MYO10: variants seen among roughly 807,000 people sequenced by gnomAD.
MYO10 encodes the protein unconventional myosin-X.
Under a neutral mutation model 257.3 loss-of-function variants are expected in MYO10, and 133 were observed. The ratio of observed to expected loss-of-function variants is 0.52; its 90% CI spans 0.45 to 0.60. The LOEUF (loss-of-function observed/expected upper bound fraction) is 0.60, where lower values mean the gene tolerates loss of function less well. Among genes scored for constraint, MYO10 ranks in the 20% least tolerant of loss-of-function variants. The pLI is 0.00. For missense variants in MYO10, 2,399 were observed against 2,635.7 expected (o/e 0.91, Z 1.97); for synonymous variants, 1,104 against 1,028.6 (o/e 1.07, Z -1.40).
chr5:16,894,048 A>T (rs1054479089), intron 1 of MYO10, among the ~76,000 whole-genome samples: 1 of 152,156 alleles, frequency 6.6e-6, no homozygotes, highest in Non-Finnish European at 1.5e-5. Context: ...GACAAGTTGC[A>T]AAGATAATAC....
In MYO10 at chr5:16,680,077, C is replaced by G. The variant is rs766301924; in HGVS notation, c.4412G>C (p.Arg1471Pro). Residue 1471 changes from arginine to proline, a missense_variant, in exon 33 of 41, where the codon CGC becomes CCC. This residue lies in a region of MYO10 where 1,820 missense variants were observed against 1,939.4 expected (regional missense o/e 0.94). Transcript: ENST00000513610. ...TGYWNVTVYG[R>P]KHCYRLYTKL... ...GGTGTAGAGCCGGTAACAGTGCTTG[C>G]GCCCGTACACGGTGACGTTCCAGTA... The G allele has an allele frequency of 5.0e-6, 8 of 1,611,802 alleles. No homozygotes were observed. The highest frequency in any genetic ancestry group is 6.8e-6 in the Non-Finnish European group (8 of 1,178,686).
intron 1 of MYO10, among the ~76,000 whole-genome samples, chr5:16,879,406 C>T (rs531995218): frequency 6.6e-6 from 1 of 152,294 alleles, no homozygotes; most frequent in South Asian, 2.1e-4. Context: ...TCATTTTACG[C>T]TACTTTAAAT....
chr5:16,675,449 G>A (rs375953696), intron 34 of MYO10, among the ~76,000 whole-genome samples: 1 of 152,066 alleles, frequency 6.6e-6, no homozygotes, highest in African/African-American at 2.4e-5. Flanking sequence ...TGGTTGTCTG[G>A]CTACTCGGCC....
intron 19 of MYO10, among the ~76,000 whole-genome samples, chr5:16,735,122 T>C (rs1050940109): frequency 2.6e-5 from 4 of 152,208 alleles, no homozygotes; most frequent in African/African-American, 7.2e-5. Context: ...TCATCCATCA[T>C]TTTACTCCAG....
chr5:16,776,063 T>C (rs965729108), intron 9 of MYO10, among the ~76,000 whole-genome samples: 2 of 151,592 alleles, frequency 1.3e-5, no homozygotes, highest in Non-Finnish European at 2.9e-5. Flanking sequence ...ACCCGGCTAA[T>C]TTTTGTATTT....
Position 16,683,884 on chromosome 5 carries a change from C to T in MYO10, c.4042G>A (p.Asp1348Asn). Reference sequence around the variant, plus strand: ...AAGAGCCACATCTGAGCTTACCTATCAGGGCTGTCAGAGGCACACACAGAA... The same window carrying T: ...AAGAGCCACATCTGAGCTTACCTATTAGGGCTGTCAGAGGCACACACAGAA... ...IDSVCASDSP[D>N]RPNSFVIITA... Residue 1348 changes from aspartate (D) to asparagine (N), a missense_variant, in exon 30 of 41, where the codon GAT becomes AAT. This residue lies in a region of MYO10 where 1,820 missense variants were observed against 1,939.4 expected (regional missense o/e 0.94). Coordinates refer to ENST00000513610, the MANE Select transcript of MYO10 (RefSeq NM_012334.3). 2 of 1,613,712 alleles carry T rather than the reference C, an allele frequency of 1.2e-6. No homozygotes were observed. The highest frequency in any genetic ancestry group is 2.2e-5 in the East Asian group (1 of 44,866).
intron 19 of MYO10, among the ~76,000 whole-genome samples, chr5:16,754,580 T>G (rs940653773): frequency 6.8e-6 from 1 of 146,582 alleles, no homozygotes; most frequent in African/African-American, 2.5e-5. Context: ...AAAAAAAAAG[T>G]AAAGGCTTCA....
intron 19 of MYO10, among the ~76,000 whole-genome samples, chr5:16,746,442 T>C (rs1176278095): frequency 1.3e-5 from 2 of 152,182 alleles, no homozygotes; most frequent in African/African-American, 4.8e-5. Context: ...ATGGAGTTGC[T>C]CTGGTTCAAA....
chr5:16,696,855 C>CAAAAAA (rs11284007), intron 26 of MYO10, among the ~76,000 whole-genome samples: 1 of 99,098 alleles, frequency 1.0e-5, no homozygotes, highest in Non-Finnish European at 2.2e-5. Flanking sequence ...GACTCTGTCT[C>CAAAAAA]AAAAAAAAAA....
intron 2 of MYO10, among the ~76,000 whole-genome samples, chr5:16,874,530 G>T (rs529542650): frequency 7.2e-5 from 11 of 152,248 alleles, no homozygotes; most frequent in African/African-American, 2.4e-4. Flanking sequence ...TGAAGTTCCA[G>T]AAATCTCTAA....
chr5:16,918,142 T>C (rs914420057), intron 1 of MYO10, among the ~76,000 whole-genome samples: 8 of 152,174 alleles, frequency 5.3e-5, no homozygotes, highest in South Asian at 2.1e-4. Context: ...ATTTCCAAAA[T>C]AGTTTCTTAA....
chr5:16,713,933 G>A (rs914010474), intron 19 of MYO10, among the ~76,000 whole-genome samples: 3 of 152,146 alleles, frequency 2.0e-5, no homozygotes, highest in Admixed American at 1.3e-4. Flanking sequence ...GGGAAGTCTC[G>A]ATGGCGACAA....
At position 16,674,904 on chromosome 5, in the gene MYO10, G is replaced by A. The variant is rs745483416; in HGVS notation, c.4913C>T (p.Thr1638Ile). Residue 1638 changes from threonine to isoleucine, a missense_variant, in exon 35 of 41, where the codon ACC becomes ATC. Around this residue, in one of 3 missense-constraint regions of MYO10, gnomAD observed 1,820 missense variants for 1,939.4 expected, o/e 0.94. Transcript: ENST00000513610. Reference protein sequence around the residue: ...SWQILTCLSCTFLPSRGILKY... With the variant: ...SWQILTCLSCIFLPSRGILKY... ...GAGAATCCCTCGACTCGGCAGGAAG[G>A]TGCAGCTCAGGCATGTCAGGATCTG... is the stretch of plus-strand genomic sequence containing the variant. 1.2e-6 allele frequency: 2 copies of A among 1,613,982 alleles called. No individual in the cohort carries two copies. Among genetic ancestry groups the A allele is most frequent in the Admixed American group, 3.3e-5 (2 of 60,026 alleles).
chr5:16,818,146 T>C lies in MYO10; in HGVS notation c.142A>G (p.Thr48Ala), dbSNP rs374975446. 1 of 1,594,608 alleles carries C rather than the reference T, an allele frequency of 6.3e-7. No homozygotes were observed. Among genetic ancestry groups the C allele is most frequent in the South Asian group, 1.1e-5 (1 of 88,576 alleles). Residue 48 changes from threonine to alanine, a missense_variant, in exon 3 of 41, where the codon ACA becomes GCA. Thr to Ala is a moderately conservative substitution (Grantham distance 58). Coordinates refer to ENST00000513610, the MANE Select transcript of MYO10 (RefSeq NM_012334.3). ...GCAGTCACCTTCTGGTGGGTAATTG[T>C]GCTCTGCTTGTAAGTGAATACCTGA... ...YGQVFTYKQS[T>A]ITHQKVTAMH... is the part of the protein sequence containing the mutation.
intron 12 of MYO10, 97 bp from the exon 13 acceptor site, chr5:16,763,852 T>C: frequency 1.2e-6 from 1 of 806,650 alleles, no homozygotes; most frequent in Non-Finnish European, 2.0e-6. Flanking sequence ...GAGAAAAATA[T>C]CAATGCCTGT....
intron 1 of MYO10, chr5:16,916,285 C>CATTCGGATATTTA (rs1745814547): frequency 1.1e-5 from 4 of 372,270 alleles, no homozygotes; most frequent in South Asian, 7.9e-5. Context: ...TTAAATATCC[C>CATTCGGATATTTA]ATTCGGAGTT....
intron 25 of MYO10, among the ~76,000 whole-genome samples, chr5:16,699,816 GA>G (rs1737959426): frequency 6.9e-6 from 1 of 144,080 alleles, no homozygotes. Flanking sequence ...AAGGGAAAAG[GA>G]AAAAGAAAAA....
chr5:16,824,416 G>T (rs1742941323), intron 2 of MYO10, among the ~76,000 whole-genome samples: 1 of 152,150 alleles, frequency 6.6e-6, no homozygotes, highest in Non-Finnish European at 1.5e-5. Context: ...GACCAGGAAT[G>T]CTGCCAAACA....
At chr5:16,917,074 A>G (rs1238008479) in intron 1 of MYO10, among the ~76,000 whole-genome samples, 1 of 152,206 alleles carries the variant, frequency 6.6e-6, no homozygotes, top group African/African-American at 2.4e-5. Context: ...TATCCCAACT[A>G]TTAACCAATG....
Sources: gnomAD v4.1 joint callset for allele counts (sites outside exome capture counted in the v4.1 genomes callset) on GRCh38, gnomAD v4.1.1 for gene constraint, gnomAD v4.1.1 regional missense constraint, MANE v1.5 for transcripts, NCBI Gene and HGNC (gene_info 2026-07-23, HGNC 2026-07-21) for gene names.